The following WDPCP variants were observed in gnomAD, a reference collection of about 807,000 sequenced individuals.
WDPCP encodes WD repeat containing planar cell polarity effector.
WDPCP carries 71 observed loss-of-function variants against 93.1 expected under a neutral mutation model. The ratio of observed to expected loss-of-function variants is 0.76; its 90% CI spans 0.63 to 0.93. WDPCP has a LOEUF of 0.93. Ranked by LOEUF, WDPCP falls within the 40% of genes least tolerant of loss-of-function variation. WDPCP has a pLI of 0.00. For missense variants in WDPCP, 844 were observed against 887.4 expected, an observed-to-expected ratio of 0.95 and a Z score of 0.62; for synonymous variants, 315 against 315.0, an observed-to-expected ratio of 1.00 and a Z score of 0.00.
At chr2:63,313,886 A>ATATATATATATATATAT in intron 12 of WDPCP, among the ~76,000 whole-genome samples, 12 of 74,494 alleles carry the variant, frequency 1.6e-4, no homozygotes, top group Non-Finnish European at 2.3e-4. Context: ...ATATATATAT[A>ATATATATATATATATAT]TTTTTTTTTT....
chr2:63,686,120 G>C (rs889757396), intron 2 of WDPCP, among the ~76,000 whole-genome samples: 1 of 152,088 alleles, frequency 6.6e-6, no homozygotes, highest in African/African-American at 2.4e-5. Flanking sequence ...AATCAGACAA[G>C]AGAAAGAAAG....
intron 9 of WDPCP, among the ~76,000 whole-genome samples, chr2:63,424,676 C>T (rs989064104): frequency 2.0e-5 from 3 of 152,140 alleles, no homozygotes; most frequent in Non-Finnish European, 4.4e-5. Flanking sequence ...AGCATGTAAG[C>T]GGGGGAAGAG....
intron 13 of WDPCP, among the ~76,000 whole-genome samples, chr2:63,305,165 A>C (rs1047747519): frequency 3.2e-4 from 48 of 152,176 alleles, no homozygotes; most frequent in African/African-American, 1.1e-3. Context: ...GACTTTGGGC[A>C]CAGCTTCAGC....
chr2:63,619,180 C>T (rs1005504984), intron 3 of WDPCP, among the ~76,000 whole-genome samples: 2 of 152,128 alleles, frequency 1.3e-5, no homozygotes, highest in South Asian at 2.1e-4. Context: ...GTTGGCTGGC[C>T]ATTTAGGGAG....
intron 2 of WDPCP, among the ~76,000 whole-genome samples, chr2:63,675,086 T>G (rs1205766291): frequency 6.6e-6 from 1 of 152,106 alleles, no homozygotes; most frequent in Non-Finnish European, 1.5e-5. Flanking sequence ...ACCCCAAACT[T>G]CCTTTTGTCC....
chr2:63,493,984 T>C (rs1220072449), intron 1 of WDPCP, among the ~76,000 whole-genome samples: 1 of 152,162 alleles, frequency 6.6e-6, no homozygotes, highest in South Asian at 2.1e-4. Flanking sequence ...ATATTTCCCA[T>C]AGTATCCATA....
At chr2:63,563,949 C>T (rs1706832426) in intron 1 of WDPCP, among the ~76,000 whole-genome samples, 1 of 152,142 alleles carries the variant, frequency 6.6e-6, no homozygotes, top group Non-Finnish European at 1.5e-5. Context: ...TGGTGGCAAA[C>T]TTTTGAGTAT....
chr2:63,323,490 T>C lies in WDPCP; in HGVS notation c.1749-10179A>G, dbSNP rs548348952. The stretch of plus-strand genomic sequence containing the variant: ...ACAAAAGCTATTCCTGAAGCTAGAA[T>C]ATGGGGAGCCTCAGAAATTGTATCC... On this transcript the variant is annotated intron_variant, in intron 12 of 17. Transcript: ENST00000272321. Among the ~76,000 whole-genome samples, 11 of 152,246 alleles carry C rather than the reference T, an allele frequency of 7.2e-5. 1 individual carries two copies. In the South Asian group the frequency reaches 2.3e-3, roughly 32 times the overall value.
intron 2 of WDPCP, among the ~76,000 whole-genome samples, chr2:63,705,974 G>A (rs28838707): frequency 5.9e-5 from 9 of 152,006 alleles, no homozygotes; most frequent in African/African-American, 2.2e-4. Context: ...TATGAATCTG[G>A]GTGCCCCTGT....
At chr2:63,619,694 G>T (rs1435241520) in intron 3 of WDPCP, among the ~76,000 whole-genome samples, 1 of 152,174 alleles carries the variant, frequency 6.6e-6, no homozygotes, top group Non-Finnish European at 1.5e-5. Context: ...CATGTAACTG[G>T]TTCACATAAA....
chr2:63,666,400 T>A (rs1710283649), intron 2 of WDPCP, among the ~76,000 whole-genome samples: 2 of 152,208 alleles, frequency 1.3e-5, no homozygotes, highest in South Asian at 2.1e-4. Flanking sequence ...AGTTGCTGTA[T>A]TTCAGAAACA....
intron 3 of WDPCP, among the ~76,000 whole-genome samples, chr2:63,617,601 A>C (rs1709686698): frequency 6.6e-6 from 1 of 152,154 alleles, no homozygotes; most frequent in African/African-American, 2.4e-5. Context: ...GGAAGGCTAG[A>C]GGAGGAAATG....
Position 63,313,292 on chromosome 2 carries a change from C to T in WDPCP, c.1768G>A (p.Ala590Thr), listed in dbSNP as rs1398725626. 2 of 1,613,558 alleles carry T rather than the reference C, an allele frequency of 1.2e-6. No individual in the cohort carries two copies. The highest frequency in any genetic ancestry group is 1.7e-6 in the Non-Finnish European group (2 of 1,179,690). The change falls in exon 13 of 18, where the codon GCA becomes ACA. Residue 590 changes from alanine (A) to threonine (T), a missense_variant. Physicochemically the swap from Ala to Thr is moderately conservative, Grantham distance 58. Coordinates refer to ENST00000272321, the MANE Select transcript of WDPCP (RefSeq NM_015910.7). ...HLLRYQRFEKAFLLAVDVGAR... is the reference protein window; with the variant it reads ...HLLRYQRFEKTFLLAVDVGAR... ...CCAACGTCAACAGCTAGGAGAAATG[C>T]CTTTTCAAACCTCTGGTACCTACAA...
At chr2:63,657,228 G>A (rs1437216223) in intron 2 of WDPCP, among the ~76,000 whole-genome samples, 4 of 130,662 alleles carry the variant, frequency 3.1e-5, no homozygotes, top group East Asian at 2.3e-4. Flanking sequence ...TTTTTGCGAC[G>A]GAGTCTCGCT....
intron 1 of WDPCP, among the ~76,000 whole-genome samples, chr2:63,499,613 G>T (rs1460971254): frequency 6.6e-6 from 1 of 152,176 alleles, no homozygotes; most frequent in Non-Finnish European, 1.5e-5. Flanking sequence ...AATTGGGGTG[G>T]TGGCAGCTGG....
At chr2:63,804,546 C>T (rs1057343222) in intron 2 of WDPCP, among the ~76,000 whole-genome samples, 8 of 151,360 alleles carry the variant, frequency 5.3e-5, no homozygotes, top group Non-Finnish European at 7.4e-5. Flanking sequence ...TGAGTCACCT[C>T]GCCCGACCCA....
At chr2:63,711,660 C>CTT (rs1669265949) in intron 2 of WDPCP, 1 of 152,258 alleles carries the variant, frequency 6.6e-6, no homozygotes, top group Non-Finnish European at 1.5e-5. Context: ...TCTTGGGAGG[C>CTT]TAAAGGGGGA....
intron 2 of WDPCP, among the ~76,000 whole-genome samples, chr2:63,692,513 A>C (rs1668905473): frequency 6.6e-6 from 1 of 152,180 alleles, no homozygotes; most frequent in Non-Finnish European, 1.5e-5. Flanking sequence ...TCAAGAGCAA[A>C]TTGACTGGAA....
At chr2:63,791,835 C>T (rs1250835673) in intron 2 of WDPCP, among the ~76,000 whole-genome samples, 9 of 152,252 alleles carry the variant, frequency 5.9e-5, no homozygotes, top group South Asian at 4.1e-4. Flanking sequence ...CCTATTATCT[C>T]ATCTGCAAAA....
Sources: allele counts gnomAD v4.1 joint callset (sites outside exome capture counted in the v4.1 genomes callset), GRCh38; gene constraint gnomAD v4.1.1; transcripts MANE v1.5; gene names NCBI Gene and HGNC (gene_info 2026-07-23, HGNC 2026-07-21).